AGFG2: variants seen among roughly 807,000 people sequenced by gnomAD.
AGFG2 encodes the protein ArfGAP with FG repeats 2, also known as arf-GAP domain and FG repeat-containing protein 2.
A neutral mutation model predicts 48.0 loss-of-function variants in AGFG2; 31 were observed. That is an observed-to-expected ratio of 0.65 (90% CI 0.49 to 0.87). The LOEUF (loss-of-function observed/expected upper bound fraction) is 0.87, where lower values mean the gene tolerates loss of function less well. Ranked by LOEUF, AGFG2 falls within the 40% of genes least tolerant of loss-of-function variation. The probability of loss-of-function intolerance (pLI) is 0.00; values close to 1 mark genes in which losing one functional copy is unlikely to be tolerated. For synonymous variants in AGFG2, 229 were observed against 260.8 expected, an observed-to-expected ratio of 0.88 and a Z score of 1.18; for missense variants, 599 against 632.6, an observed-to-expected ratio of 0.95 and a Z score of 0.57.
chr7:100,562,796 A>G lies in AGFG2; in HGVS notation c.1088-67A>G, dbSNP rs1584392190. The G allele has an allele frequency of 6.3e-7, 1 of 1,599,742 alleles. No individual in the cohort carries two copies. The highest frequency in any genetic ancestry group is 1.7e-4 in the Middle Eastern group (1 of 6,032). On this transcript the variant is annotated intron_variant, in intron 8 of 11. Transcript: ENST00000300176. The surrounding 1 kb of genome is among the most constrained non-coding windows in gnomAD (Gnocchi z 5.4). ...GAGAGGAATGCTCAGGCATCACAGG[A>G]TGAAGCACGTGAGAAAAAAAGTAAC...
chr7:100,551,504 C>G (rs2406244), intron 3 of AGFG2, among the ~76,000 whole-genome samples: 1 of 151,724 alleles, frequency 6.6e-6, no homozygotes, highest in Non-Finnish European at 1.5e-5. Context: ...CGTGCCCGGC[C>G]TTGTTTCATG....
chr7:100,543,818 A>G (rs1194627712), intron 1 of AGFG2, among the ~76,000 whole-genome samples: 1 of 152,110 alleles, frequency 6.6e-6, no homozygotes, highest in Non-Finnish European at 1.5e-5. Context: ...TCCTAAATTT[A>G]CATACATACT....
intron 6 of AGFG2, among the ~76,000 whole-genome samples, chr7:100,558,136 C>A (rs1460778812): frequency 6.6e-6 from 1 of 152,100 alleles, no homozygotes; most frequent in South Asian, 2.1e-4. Context: ...ATCACTTGAA[C>A]CCGGGAGGCG....
At chr7:100,540,251 ACT>A (rs1394873303) in intron 1 of AGFG2, among the ~76,000 whole-genome samples, 3 of 152,084 alleles carry the variant, frequency 2.0e-5, no homozygotes, top group Non-Finnish European at 4.4e-5. Context: ...AGAAGGTAAA[ACT>A]CTTACGAAAT....
chr7:100,551,638 C>CT (rs1800647719), intron 3 of AGFG2, among the ~76,000 whole-genome samples: 1 of 151,330 alleles, frequency 6.6e-6, no homozygotes, highest in Non-Finnish European at 1.5e-5. Context: ...AATCCCAGCA[C>CT]TTTGGGAGGC....
At position 100,545,678 on chromosome 7, in the gene AGFG2, C is replaced by A. The variant is rs185688541; in HGVS notation, c.222-3144C>A. 1.7e-3 allele frequency among the ~76,000 whole-genome samples: 264 copies of A among 152,314 alleles called. 2 individuals are homozygous for A. The highest frequency in any genetic ancestry group is 6.1e-3 in the African/African-American group (252 of 41,568). On this transcript the variant is annotated intron_variant, in intron 1 of 11. Transcript: ENST00000300176. ...TACCAGAATGAATTTGCTGTGATTACCTCTTTTGGGAGGAACCTGAGAGTT... is the reference window on the plus strand; with the variant it reads ...TACCAGAATGAATTTGCTGTGATTAACTCTTTTGGGAGGAACCTGAGAGTT...
In AGFG2 at chr7:100,565,889, CT is replaced by C. The variant is rs56804763; in HGVS notation, c.*917del. The C allele has an allele frequency of 0.85, 104,553 of 123,708 alleles. 44,226 individuals carry two copies. The highest frequency in any genetic ancestry group is 0.97 in the East Asian group (4,081 of 4,208). The allele number at this position is 123,708 out of a possible 1,614,324, so 7.7% of individuals were successfully genotyped here. On this transcript the variant is annotated 3_prime_UTR_variant, in exon 12 of 12. Coordinates refer to ENST00000300176, the MANE Select transcript of AGFG2 (RefSeq NM_006076.5). The stretch of plus-strand genomic sequence containing the variant: ...GAAAGGCTTTGTGCAATTGCCTGGT[CT>C]TTTTTTTTTTTTTTTTTTCTCCATG...
chr7:100,539,333 G>A lies in AGFG2; in HGVS notation c.-14G>A. Reference sequence around the variant, plus strand: ...AGGGGTGATTGCTGACTAGCGGGGAGGGAGTGGGCAGCGATGGTGATGGCG... The same window carrying A: ...AGGGGTGATTGCTGACTAGCGGGGAAGGAGTGGGCAGCGATGGTGATGGCG... On this transcript the variant is annotated 5_prime_UTR_variant, in exon 1 of 12. Coordinates refer to ENST00000300176, the MANE Select transcript of AGFG2 (RefSeq NM_006076.5). 1 of 1,272,880 alleles carries A rather than the reference G, an allele frequency of 7.9e-7. No individual in the cohort carries two copies. The allele number at this position is 1,272,880 out of a possible 1,614,324, so 78.8% of individuals were successfully genotyped here.
intron 6 of AGFG2, among the ~76,000 whole-genome samples, chr7:100,558,324 T>C (rs1369851040): frequency 8.5e-5 from 13 of 152,324 alleles, no homozygotes; most frequent in African/African-American, 2.6e-4. Flanking sequence ...AGATTGATAA[T>C]GGCCAGTATT....
chr7:100,555,661 G>T lies in AGFG2; in HGVS notation c.803G>T (p.Gly268Val). The change falls in exon 6 of 12, where the codon GGC becomes GTC. Residue 268 changes from glycine to valine, a missense_variant. Physicochemically the swap from Gly to Val is moderately radical, Grantham distance 109. Coordinates refer to ENST00000300176, the MANE Select transcript of AGFG2 (RefSeq NM_006076.5). ...GCCAACTTTGATGCCTTTAGCAGTG[G>T]CCCCAGCTCTTCTGTGTTTGGAAGC... ...GFANFDAFSS[G>V]PSSSVFGSLP... 6.2e-7 allele frequency: 1 copy of T among 1,614,026 alleles called. No individual in the cohort carries two copies. Among genetic ancestry groups the T allele is most frequent in the East Asian group, 2.2e-5 (1 of 44,874 alleles).
intron 4 of AGFG2, 36 bp from the exon 5 acceptor site, chr7:100,554,057 G>A (rs1800704531): frequency 6.3e-7 from 1 of 1,587,752 alleles, no homozygotes; most frequent in Non-Finnish European, 8.6e-7. Context: ...GCATGTCTGG[G>A]ATTCTAAGGG....
intron 6 of AGFG2, among the ~76,000 whole-genome samples, chr7:100,561,408 T>C (rs980113502): frequency 6.6e-6 from 1 of 152,200 alleles, no homozygotes; most frequent in Non-Finnish European, 1.5e-5. Flanking sequence ...ATTACAGGCA[T>C]GAACTGCCGC....
Position 100,564,249 on chromosome 7 carries a change from G to T in AGFG2, c.1332G>T (p.Lys444Asn), listed in dbSNP as rs767900026. The T allele has an allele frequency of 3.5e-5, 57 of 1,613,702 alleles. No individual in the cohort carries two copies. In the East Asian group the frequency reaches 1.2e-3, roughly 35 times the overall value. ...CCTTCGGGGACTTAGGATCAGCCAAGTTGGGGCAGAGGCCACTGAGCCAGC... is the reference window on the plus strand; with the variant it reads ...CCTTCGGGGACTTAGGATCAGCCAATTTGGGGCAGAGGCCACTGAGCCAGC... ...GSSFGDLGSA[K>N]LGQRPLSQPA... Residue 444 changes from lysine (K) to asparagine (N), a missense_variant, in exon 11 of 12, where the codon AAG becomes AAT. By Grantham distance (94) the Lys-to-Asn change is moderately conservative. Transcript: ENST00000300176.
chr7:100,543,071 T>A (rs186524055), intron 1 of AGFG2, among the ~76,000 whole-genome samples: 5,043 of 131,566 alleles, frequency 0.038, 108 homozygotes, highest in Middle Eastern at 0.11. Flanking sequence ...TTATTATTAA[T>A]TTTTTTTTTT....
At chr7:100,563,086 C>T (rs1476838631) in intron 9 of AGFG2, 140 bp downstream of exon 9, 9 of 857,254 alleles carry the variant, frequency 1.0e-5, no homozygotes, top group Non-Finnish European at 1.6e-5. Context: ...CCACACGGTG[C>T]CAGGCCACCT....
chr7:100,560,993 G>A (rs1281530831), intron 6 of AGFG2, among the ~76,000 whole-genome samples: 1 of 137,476 alleles, frequency 7.3e-6, no homozygotes, highest in Non-Finnish European at 1.6e-5. Flanking sequence ...TTTTTTTTTT[G>A]TATTTTTAGT....
At chr7:100,540,525 G>A (rs1562788360) in intron 1 of AGFG2, among the ~76,000 whole-genome samples, 1 of 152,036 alleles carries the variant, frequency 6.6e-6, no homozygotes, top group African/African-American at 2.4e-5. Context: ...TAGATTTCTG[G>A]TTATATAGTA....
intron 6 of AGFG2, among the ~76,000 whole-genome samples, chr7:100,560,416 C>T (rs1365734203): frequency 6.6e-6 from 1 of 152,142 alleles, no homozygotes; most frequent in Non-Finnish European, 1.5e-5. Context: ...TGACCTCAAG[C>T]GATCTGCTTG....
rs1305740581 is a variant in AGFG2, at chr7:100,553,505, CT to C, written c.585+6del. On this transcript the variant is annotated splice_donor_region_variant and intron_variant, in intron 4 of 11. Transcript: ENST00000300176. ...GCTGCCTCCACCTCGAGCCAGGTAACTCTCAGATCTGCTCGTCATGTTTCTT... is the reference window on the plus strand; with the variant it reads ...GCTGCCTCCACCTCGAGCCAGGTAACCTCAGATCTGCTCGTCATGTTTCTT... 41 of 1,588,932 alleles carry C rather than the reference CT, an allele frequency of 2.6e-5. No individual in the cohort carries two copies. Among genetic ancestry groups the C allele is most frequent in the Non-Finnish European group, 3.4e-5 (40 of 1,164,602 alleles).
Sources: allele counts gnomAD v4.1 joint callset (sites outside exome capture counted in the v4.1 genomes callset), GRCh38; gene constraint gnomAD v4.1.1; non-coding constraint Gnocchi (gnomAD v3.1); transcripts MANE v1.5; gene names NCBI Gene and HGNC (gene_info 2026-07-23, HGNC 2026-07-21).